LRRC15: variants seen among roughly 807,000 people sequenced by gnomAD.
The protein encoded by LRRC15 is leucine rich repeat containing 15, also known as leucine-rich repeat-containing protein 15.
A neutral mutation model predicts 4.3 loss-of-function variants in LRRC15; 5 were observed. The ratio of observed to expected loss-of-function variants is 1.16; its 90% CI spans 0.61 to 2.44. LRRC15 has a LOEUF of 2.44. Ranked by LOEUF, LRRC15 falls within the 30% of genes most tolerant of loss-of-function variation. The pLI is 0.01. For missense variants in LRRC15, 769 were observed against 747.0 expected, an observed-to-expected ratio of 1.03 and a Z score of -0.34; for synonymous variants, 337 against 323.2, an observed-to-expected ratio of 1.04 and a Z score of -0.46.
intron 1 of LRRC15, among the ~76,000 whole-genome samples, chr3:194,364,098 C>T (rs928628358): frequency 6.6e-6 from 1 of 152,130 alleles, no homozygotes; most frequent in African/African-American, 2.4e-5. Flanking sequence ...GAGGCTAAAG[C>T]AATCACTTGG....
Position 194,363,235 on chromosome 3 carries a change from G to A in LRRC15, c.-3-2189C>T, listed in dbSNP as rs540843764. The A allele has an allele frequency of 6.3e-5, 33 of 519,892 alleles. 1 individual carries two copies. Among genetic ancestry groups the A allele is most frequent in the Middle Eastern group, 5.7e-4 (2 of 3,510 alleles). The allele number at this position is 519,892 out of a possible 1,614,324, so 32.2% of individuals were successfully genotyped here. A position where few individuals can be genotyped will look rare whatever the true frequency, so the allele number is the denominator to read the frequency against. ...ATTACAGGCATGAGCCACCGTGCCC[G>A]GCCAAGACCTTGATTTTTTTACTTG... On this transcript the variant is annotated intron_variant, in intron 1 of 1. Coordinates refer to ENST00000347624, the MANE Select transcript of LRRC15 (RefSeq NM_130830.5).
At chr3:194,362,685 G>C (rs1407199870) in intron 1 of LRRC15, among the ~76,000 whole-genome samples, 5 of 152,124 alleles carry the variant, frequency 3.3e-5, no homozygotes, top group African/African-American at 1.2e-4. Context: ...CTTTCCATGA[G>C]CAAAAATCCT....
rs538770608 is a variant in LRRC15 at position 194,359,047 on chromosome 3, G to A, written c.*251C>T. The A allele has an allele frequency of 1.0e-5, 4 of 388,146 alleles. No individual in the cohort carries two copies. Among genetic ancestry groups the A allele is most frequent in the Non-Finnish European group, 1.8e-5 (4 of 217,194 alleles). The allele number at this position is 388,146 out of a possible 1,614,324, so 24.0% of individuals were successfully genotyped here. A position where few individuals can be genotyped will look rare whatever the true frequency, so the allele number is the denominator to read the frequency against. On this transcript the variant is annotated 3_prime_UTR_variant, in exon 2 of 2. Transcript: ENST00000347624. ...GAGCCCTCTCGAAGGAAGCCCAGGG[G>A]TATGAATCGGAAATCCCCAGGGCTT...
At chr3:194,362,939 GTTTTTTT>G (rs140437995) in intron 1 of LRRC15, among the ~76,000 whole-genome samples, 1 of 78,372 alleles carries the variant, frequency 1.3e-5, no homozygotes, top group Non-Finnish European at 2.7e-5. Context: ...CCTTGATTTT[GTTTTTTT>G]TTTTTTTTTT....
At position 194,357,807 on chromosome 3, in the gene LRRC15, T is replaced by C. The variant is rs771814276; in HGVS notation, c.*1491A>G. ...ACATTAGAAAGACACTAGATTCCGT[T>C]ACACTTCGTTTTCAATTAAAGGATC... On this transcript the variant is annotated 3_prime_UTR_variant, in exon 2 of 2. Coordinates refer to ENST00000347624, the MANE Select transcript of LRRC15 (RefSeq NM_130830.5). 1.3e-5 allele frequency: 2 copies of C among 152,238 alleles called. No individual in the cohort carries two copies. The highest frequency in any genetic ancestry group is 4.8e-5 in the African/African-American group (2 of 41,462). The allele number at this position is 152,238 out of a possible 1,614,324, so 9.4% of individuals were successfully genotyped here.
At chr3:194,367,450 G>A (rs1380807816) in intron 1 of LRRC15, among the ~76,000 whole-genome samples, 3 of 152,122 alleles carry the variant, frequency 2.0e-5, no homozygotes, top group Non-Finnish European at 1.5e-5. Flanking sequence ...GGGACTACAG[G>A]TGCCCGCCAC....
At position 194,357,379 on chromosome 3, in the gene LRRC15, T is replaced by C. The variant is rs1157402731; in HGVS notation, c.*1919A>G. The C allele has an allele frequency of 2.0e-5, 3 of 151,868 alleles. No homozygotes were observed. In the East Asian group the frequency reaches 5.8e-4, roughly 29 times the overall value. The allele number at this position is 151,868 out of a possible 1,614,324, so 9.4% of individuals were successfully genotyped here. A position where few individuals can be genotyped will look rare whatever the true frequency, so the allele number is the denominator to read the frequency against. On this transcript the variant is annotated 3_prime_UTR_variant, in exon 2 of 2. Transcript: ENST00000347624. The stretch of plus-strand genomic sequence containing the variant: ...GGTGTCTTGTGGAGCGGGGAGCTAA[T>C]AAGAGCCGATCGGGATTGGTCGTGG...
rs901748718 is a variant in LRRC15 at position 194,355,421 on chromosome 3, C to G, written c.*3877G>C. ...ACTGGGGCTGATTTGCAGTAATTCT[C>G]TAAGCAAGGCAAACATGATCTAGCT... is the stretch of plus-strand genomic sequence containing the variant. On this transcript the variant is annotated 3_prime_UTR_variant, in exon 2 of 2. Coordinates refer to ENST00000347624, the MANE Select transcript of LRRC15 (RefSeq NM_130830.5). 2.0e-5 allele frequency: 3 copies of G among 152,388 alleles called. No individual in the cohort carries two copies. Among genetic ancestry groups the G allele is most frequent in the South Asian group, 2.1e-4 (1 of 4,832 alleles). 9.4% of individuals were successfully genotyped at this position (152,388 alleles called of 1,614,324 possible).
rs1267484569 is a variant in LRRC15 at position 194,359,612 on chromosome 3, C to T, written c.1432G>A (p.Val478Ile). 5 of 1,613,722 alleles carry T rather than the reference C, an allele frequency of 3.1e-6. No homozygotes were observed. The highest frequency in any genetic ancestry group is 3.4e-6 in the Non-Finnish European group (4 of 1,179,898). ...NVNVAVPSVHVPEVPSYPETP... is the reference protein window; with the variant it reads ...NVNVAVPSVHIPEVPSYPETP... ...TCTGGGTAACTAGGCACCTCGGGGACATGGACGCTTGGAACAGCAACGTTG... is the reference window on the plus strand; with the variant it reads ...TCTGGGTAACTAGGCACCTCGGGGATATGGACGCTTGGAACAGCAACGTTG... Residue 478 changes from valine to isoleucine, a missense_variant, in exon 2 of 2, where the codon GTC becomes ATC. Coordinates refer to ENST00000347624, the MANE Select transcript of LRRC15 (RefSeq NM_130830.5).
At chr3:194,361,431 G>C (rs949346499) in intron 1 of LRRC15, among the ~76,000 whole-genome samples, 4 of 102,366 alleles carry the variant, frequency 3.9e-5, no homozygotes, top group South Asian at 3.0e-4. Flanking sequence ...CATTCACTGT[G>C]TCCCCTGTCT....
intron 1 of LRRC15, among the ~76,000 whole-genome samples, chr3:194,362,354 A>T (rs1181375638): frequency 3.3e-5 from 5 of 152,184 alleles, no homozygotes; most frequent in African/African-American, 1.2e-4. Flanking sequence ...CATCCCGGCC[A>T]GCGCTGTGCA....
At chr3:194,365,351 C>T (rs770272600) in intron 1 of LRRC15, among the ~76,000 whole-genome samples, 35 of 152,192 alleles carry the variant, frequency 2.3e-4, no homozygotes, top group African/African-American at 7.5e-4. Context: ...CACGAGCAAA[C>T]GCGTAATTAG....
chr3:194,364,017 T>A (rs1182393158), intron 1 of LRRC15, among the ~76,000 whole-genome samples: 1 of 152,030 alleles, frequency 6.6e-6, no homozygotes, highest in African/African-American at 2.4e-5. Flanking sequence ...GAGTAGCAGA[T>A]TTCAGTTCAC....
chr3:194,359,361 A>G lies in LRRC15; in HGVS notation c.1683T>C (p.Cys561=). ...LACSLAACVG[C]CCCKKRSQAV... The stretch of plus-strand genomic sequence containing the variant: ...CTTGGCTCCTCTTCTTGCAGCAGCA[A>G]CAGCCGACGCAGGCAGCCAGGGAGC... The change falls in exon 2 of 2, where the codon TGT becomes TGC. Residue 561 remains cysteine (C), a synonymous_variant. Coordinates refer to ENST00000347624, the MANE Select transcript of LRRC15 (RefSeq NM_130830.5). 1 of 1,613,994 alleles carries G rather than the reference A, an allele frequency of 6.2e-7. No homozygotes were observed. The highest frequency in any genetic ancestry group is 1.1e-5 in the South Asian group (1 of 91,048).
In LRRC15 at chr3:194,360,306, G is replaced by T. The variant is rs1411806772; in HGVS notation, c.738C>A (p.Asn246Lys). The T allele has an allele frequency of 6.2e-7, 1 of 1,614,170 alleles. No homozygotes were observed. The highest frequency in any genetic ancestry group is 8.5e-7 in the Non-Finnish European group (1 of 1,180,026). ...LSPGLFHNNH[N>K]LQRLYLSNNH... ...TGTTGGACAGGTAGAGTCTCTGGAG[G>T]TTGTGGTTGTTGTGGAAGAGACCAG... The change falls in exon 2 of 2, where the codon AAC (asparagine) becomes AAA (lysine). Residue 246 changes from asparagine to lysine, a missense_variant. Asn to Lys is a moderately conservative substitution (Grantham distance 94). Coordinates refer to ENST00000347624, the MANE Select transcript of LRRC15 (RefSeq NM_130830.5).
At chr3:194,361,897 C>T (rs112478089) in intron 1 of LRRC15, among the ~76,000 whole-genome samples, 2 of 152,208 alleles carry the variant, frequency 1.3e-5, no homozygotes, top group African/African-American at 2.4e-5. Context: ...TGTCCTGCCT[C>T]GCTGGGAGAG....
chr3:194,359,166 A>G lies in LRRC15; in HGVS notation c.*132T>C. 1.2e-6 allele frequency: 1 copy of G among 808,924 alleles called. No homozygotes were observed. The highest frequency in any genetic ancestry group is 1.9e-6 in the Non-Finnish European group (1 of 523,836). The allele number at this position is 808,924 out of a possible 1,614,324, so 50.1% of individuals were successfully genotyped here. A position where few individuals can be genotyped will look rare whatever the true frequency, so the allele number is the denominator to read the frequency against. On this transcript the variant is annotated 3_prime_UTR_variant, in exon 2 of 2. Transcript: ENST00000347624. ...AGAATCAGGCAAGTCAGGAAGAGGT[A>G]GGCTCACCTTTCTCTGGGGCCAGAA...
chr3:194,362,148 G>C (rs553174332), intron 1 of LRRC15, among the ~76,000 whole-genome samples: 1 of 142,468 alleles, frequency 7.0e-6, no homozygotes, highest in Admixed American at 6.8e-5. Flanking sequence ...ATGTGTGTGT[G>C]TGTGTGTGTA....
At chr3:194,363,827 G>A (rs928890696) in intron 1 of LRRC15, among the ~76,000 whole-genome samples, 1 of 151,838 alleles carries the variant, frequency 6.6e-6, no homozygotes, top group African/African-American at 2.4e-5. Flanking sequence ...CTAAGACATG[G>A]TGAGAAAAAA....
Sources: allele counts gnomAD v4.1 joint callset (sites outside exome capture counted in the v4.1 genomes callset), GRCh38; gene constraint gnomAD v4.1.1; transcripts MANE v1.5; gene names NCBI Gene and HGNC (gene_info 2026-07-23, HGNC 2026-07-21).